The following NPEPPS variants were observed in gnomAD, a reference collection of about 807,000 sequenced individuals.
NPEPPS encodes the protein puromycin-sensitive aminopeptidase.
In NPEPPS, 14 loss-of-function variants were observed where a neutral mutation model predicts 115.5. The observed-to-expected ratio is 0.12, with a 90% CI of 0.08 to 0.19. The LOEUF is 0.19. Among genes scored for constraint, NPEPPS ranks in the 10% least tolerant of loss-of-function variants. The pLI is 1.00. For missense variants in NPEPPS, 523 were observed against 1,110.8 expected (o/e 0.47, Z 7.52); for synonymous variants, 285 against 390.6 (o/e 0.73, Z 3.19).
At chr17:47,611,963 A>G (rs191924680) in intron 17 of NPEPPS, among the ~76,000 whole-genome samples, 78 of 152,154 alleles carry the variant, frequency 5.1e-4, no homozygotes, top group African/African-American at 1.8e-3. Flanking sequence ...TTTGATTTGC[A>G]TTTTCCTAAT....
upstream of NPEPPS, among the ~76,000 whole-genome samples, chr17:47,530,743 C>G (rs1393373991): frequency 6.6e-6 from 1 of 152,202 alleles, no homozygotes; most frequent in East Asian, 1.9e-4. Flanking sequence ...CAAGTCAGGG[C>G]TTTTCGCTGA....
chr17:47,567,814 G>GT (rs1447463667), intron 2 of NPEPPS, among the ~76,000 whole-genome samples: 2 of 151,836 alleles, frequency 1.3e-5, no homozygotes, highest in African/African-American at 4.8e-5. Flanking sequence ...GGTTATTTAC[G>GT]TTGTAGCATG....
chr17:47,547,400 G>T (rs1435015755), intron 2 of NPEPPS, among the ~76,000 whole-genome samples: 2 of 151,778 alleles, frequency 1.3e-5, no homozygotes, highest in African/African-American at 4.8e-5. Context: ...AGGCTGGGGG[G>T]CAGTGGCATG....
intron 15 of NPEPPS, 139 bp downstream of exon 15, chr17:47,601,886 A>G (rs1023874241): frequency 1.2e-6 from 1 of 837,614 alleles, no homozygotes; most frequent in African/African-American, 1.7e-5. Flanking sequence ...ACGAATTTTC[A>G]TATAGTATTG....
intron 1 of NPEPPS, among the ~76,000 whole-genome samples, chr17:47,535,549 CAAAAA>C (rs1002859470): frequency 1.1e-5 from 1 of 88,942 alleles, no homozygotes; most frequent in African/African-American, 4.5e-5. Context: ...GGCTCCGTCT[CAAAAA>C]AAAAAAAAAA....
chr17:47,574,123 G>A (rs1181465190), intron 3 of NPEPPS, among the ~76,000 whole-genome samples: 2 of 151,352 alleles, frequency 1.3e-5, no homozygotes, highest in Non-Finnish European at 2.9e-5. Context: ...TTCATATGCA[G>A]ATAAAATATT....
chr17:47,615,979 T>G (rs568680863), intron 19 of NPEPPS, among the ~76,000 whole-genome samples: 10 of 152,296 alleles, frequency 6.6e-5, no homozygotes, highest in Non-Finnish European at 1.5e-4. Context: ...AAACATTAAT[T>G]CATAGTATAT....
intron 3 of NPEPPS, among the ~76,000 whole-genome samples, chr17:47,575,422 AAAT>A (rs1260605853): frequency 3.3e-5 from 5 of 151,292 alleles, no homozygotes; most frequent in African/African-American, 9.7e-5. Context: ...AAGCTATTTC[AAAT>A]AATAACAAAC....
intron 5 of NPEPPS, among the ~76,000 whole-genome samples, chr17:47,583,654 C>T (rs1912021102): frequency 6.6e-6 from 1 of 151,738 alleles, no homozygotes; most frequent in Non-Finnish European, 1.5e-5. Flanking sequence ...GTGACTCTTG[C>T]TTGTAATCTC....
chr17:47,592,261 T>G (rs1392964631), intron 11 of NPEPPS, among the ~76,000 whole-genome samples: 1 of 152,004 alleles, frequency 6.6e-6, no homozygotes, highest in Admixed American at 6.6e-5. Flanking sequence ...GCAGGTGTGT[T>G]TGGGAGTGGA....
At chr17:47,566,187 C>G (rs1030718263) in intron 2 of NPEPPS, among the ~76,000 whole-genome samples, 3 of 152,092 alleles carry the variant, frequency 2.0e-5, no homozygotes, top group African/African-American at 7.2e-5. Context: ...CTGTGTTGCC[C>G]AGGTTGATTT....
intron 14 of NPEPPS, among the ~76,000 whole-genome samples, chr17:47,600,866 AC>A (rs1254987346): frequency 6.6e-6 from 1 of 152,172 alleles, no homozygotes; most frequent in Non-Finnish European, 1.5e-5. Flanking sequence ...ATAAAAATTA[AC>A]CCTTCGATAT....
At chr17:47,612,686 C>CAAAA (rs1913949452) in intron 18 of NPEPPS, 84 bp downstream of exon 18, 3 of 1,255,512 alleles carry the variant, frequency 2.4e-6, no homozygotes, top group Non-Finnish European at 3.3e-6. Context: ...TTTTTTGAGA[C>CAAAA]AGAGTCTTGC....
chr17:47,618,367 T>G lies in NPEPPS; in HGVS notation c.2313T>G (p.Asp771Glu), dbSNP rs774177913. 6.2e-7 allele frequency: 1 copy of G among 1,612,902 alleles called. No homozygotes were observed. Among genetic ancestry groups the G allele is most frequent in the Non-Finnish European group, 8.5e-7 (1 of 1,179,000 alleles). ...TCCTGTAGCTTCATAAACAAGCAGA[T>G]ATGCAAGAAGAGAAAAACCGAATCG... ...DIMLKLHKQA[D>E]MQEEKNRIER... Residue 771 changes from aspartate (D) to glutamate (E), a missense_variant, in exon 20 of 23, where the codon GAT becomes GAG. Asp to Glu is a conservative substitution (Grantham distance 45, BLOSUM62 2). Coordinates refer to ENST00000322157, the MANE Select transcript of NPEPPS (RefSeq NM_006310.4).
intron 2 of NPEPPS, among the ~76,000 whole-genome samples, chr17:47,568,402 C>G (rs1314256733): frequency 6.6e-6 from 1 of 152,110 alleles, no homozygotes; most frequent in Non-Finnish European, 1.5e-5. Context: ...AACTCTTGAC[C>G]TCAGGTGATC....
At position 47,618,473 on chromosome 17, in the gene NPEPPS, A is replaced by C. The variant is rs1914348432; in HGVS notation, c.2403+16A>C. 1 of 1,533,844 alleles carries C rather than the reference A, an allele frequency of 6.5e-7. No individual in the cohort carries two copies. Among genetic ancestry groups the C allele is most frequent in the African/African-American group, 1.4e-5 (1 of 73,352 alleles). On this transcript the variant is annotated intron_variant, in intron 20 of 22. Coordinates refer to ENST00000322157, the MANE Select transcript of NPEPPS (RefSeq NM_006310.4). Reference sequence around the variant, plus strand: ...TGCACTTTCAGTAAGTTACGGTGAAAACTGCATTTAGAAGTGAATCGTTAC... The same window carrying C: ...TGCACTTTCAGTAAGTTACGGTGAACACTGCATTTAGAAGTGAATCGTTAC...
rs745645519 is a variant in NPEPPS at position 47,599,768 on chromosome 17, A to T, written c.1600+29A>T. On this transcript the variant is annotated intron_variant, in intron 14 of 22. Coordinates refer to ENST00000322157, the MANE Select transcript of NPEPPS (RefSeq NM_006310.4). ...AGTAAATGGCTGTAAGTGAGATATG[A>T]TTGATGAATTTGGATATTAACTAAT... 157 of 1,523,552 alleles carry T rather than the reference A, an allele frequency of 1.0e-4. 1 individual carries two copies. The South Asian group carries it at 1.8e-3, about 18-fold the overall frequency. 94.4% of individuals were successfully genotyped at this position (1,523,552 alleles called of 1,614,324 possible). A position where few individuals can be genotyped will look rare whatever the true frequency, so the allele number is the denominator to read the frequency against.
chr17:47,601,710 T>G lies in NPEPPS; in HGVS notation c.1703T>G (p.Val568Gly). ...KILMDKPEMN[V>G]VLKNVKPDQW... The stretch of plus-strand genomic sequence containing the variant: ...CTAATGGACAAGCCAGAGATGAATG[T>G]GGTTTTGAAAAATGTCAAACCAGAC... Residue 568 changes from valine (V) to glycine (G), a missense_variant, in exon 15 of 23, where the codon GTG becomes GGG. This residue lies in a region of NPEPPS where 372 missense variants were observed against 542.6 expected (regional missense o/e 0.69). Coordinates refer to ENST00000322157, the MANE Select transcript of NPEPPS (RefSeq NM_006310.4). 1 of 1,613,560 alleles carries G rather than the reference T, an allele frequency of 6.2e-7. No individual in the cohort carries two copies. The highest frequency in any genetic ancestry group is 8.5e-7 in the Non-Finnish European group (1 of 1,179,718).
At chr17:47,571,207 A>G (rs1406337981) in intron 3 of NPEPPS, among the ~76,000 whole-genome samples, 1 of 152,204 alleles carries the variant, frequency 6.6e-6, no homozygotes, top group East Asian at 1.9e-4. Flanking sequence ...AAGGTGGTGA[A>G]TCATGTCTCT....
Sources: allele counts gnomAD v4.1 joint callset (sites outside exome capture counted in the v4.1 genomes callset), GRCh38; gene constraint gnomAD v4.1.1; regional missense constraint gnomAD v4.1.1; transcripts MANE v1.5; gene names NCBI Gene and HGNC (gene_info 2026-07-23, HGNC 2026-07-21).